The following PRDM16 variants were observed in gnomAD, a reference collection of about 807,000 sequenced individuals.
The protein encoded by PRDM16 is PR/SET domain 16.
PRDM16 carries 23 observed loss-of-function variants against 110.6 expected under a neutral mutation model. The observed-to-expected ratio is 0.21, with a 90% CI of 0.15 to 0.29. The LOEUF is 0.29. Ranked by LOEUF, PRDM16 falls within the 10% of genes least tolerant of loss-of-function variation. The pLI, the probability that PRDM16 is intolerant of heterozygous loss-of-function variation, is 1.00. For missense variants in PRDM16, 1,615 were observed against 1,794.3 expected, an observed-to-expected ratio of 0.90 and a Z score of 1.81; for synonymous variants, 799 against 781.8, an observed-to-expected ratio of 1.02 and a Z score of -0.37.
At chr1:3,291,186 C>T (rs1042007020) in intron 3 of PRDM16, among the ~76,000 whole-genome samples, 10 of 152,152 alleles carry the variant, frequency 6.6e-5, no homozygotes, top group Non-Finnish European at 1.5e-4. Context: ...CACACGGCCT[C>T]TCTCGGGGTG....
intron 4 of PRDM16, among the ~76,000 whole-genome samples, chr1:3,391,254 C>T (rs1274555259): frequency 6.6e-6 from 1 of 152,164 alleles, no homozygotes; most frequent in African/African-American, 2.4e-5. Context: ...GGGCAGGGGG[C>T]TCCTTCGGTA....
At position 3,359,184 on chromosome 1, in the gene PRDM16, CA is replaced by C. The variant is rs1352086908; in HGVS notation, c.439-25967del. 1.2e-4 allele frequency among the ~76,000 whole-genome samples: 19 copies of C among 152,288 alleles called. No homozygotes were observed. The highest frequency in any genetic ancestry group is 3.6e-4 in the African/African-American group (15 of 41,556). ...CCTCCCGAGTAGCTGGGACTACAGG[CA>C]GGTGCCACCGTGCCTAGTTAATATG... On this transcript the variant is annotated intron_variant, in intron 3 of 16. Transcript: ENST00000270722. This position sits in a 1 kb window ranked among gnomAD's most constrained non-coding sequence, Gnocchi z 4.3.
intron 3 of PRDM16, among the ~76,000 whole-genome samples, chr1:3,348,561 G>C (rs888829697): frequency 6.6e-6 from 1 of 152,232 alleles, no homozygotes; most frequent in African/African-American, 2.4e-5. Context: ...GGACATGCAC[G>C]CTTCTTAAAG....
At chr1:3,288,861 G>C (rs546654254) in intron 3 of PRDM16, among the ~76,000 whole-genome samples, 1 of 152,286 alleles carries the variant, frequency 6.6e-6, no homozygotes, top group Non-Finnish European at 1.5e-5. Flanking sequence ...TCTGGGGGAG[G>C]AAGTAGGGCC....
In PRDM16 at chr1:3,195,436, C is replaced by T. The variant is rs75167935; in HGVS notation, c.387+8962C>T. Among the ~76,000 whole-genome samples the T allele has an allele frequency of 0.011, 1,707 of 152,288 alleles. 93 individuals are homozygous for T. In the East Asian group the frequency reaches 0.16, roughly 14 times the overall value. ...TTTACTTCCTTAAGGGGTAATAACT[C>T]CGCTGCAGCCCAGCAGAGGGGACTT... On this transcript the variant is annotated intron_variant, in intron 2 of 16. Transcript: ENST00000270722.
intron 3 of PRDM16, among the ~76,000 whole-genome samples, chr1:3,367,531 G>A (rs528372913): frequency 3.9e-5 from 6 of 152,216 alleles, no homozygotes; most frequent in Non-Finnish European, 7.3e-5. Flanking sequence ...AATGGCTTTT[G>A]GGGAGTGGCT....
rs978357962 is a variant in PRDM16, at chr1:3,201,395, C to T, written c.387+14921C>T. 6.6e-6 allele frequency among the ~76,000 whole-genome samples: 1 copy of T among 152,160 alleles called. No homozygotes were observed. The highest frequency in any genetic ancestry group is 6.5e-5 in the Admixed American group (1 of 15,278). On this transcript the variant is annotated intron_variant, in intron 2 of 16. Coordinates refer to ENST00000270722, the MANE Select transcript of PRDM16 (RefSeq NM_022114.4). This position sits in a 1 kb window ranked among gnomAD's most constrained non-coding sequence, Gnocchi z 4.1. ...GGGTGTCCAGTCCCCAGAGAGGTGGCCTTCAAGTCCAGTAGCCCAAGCCAC... is the reference window on the plus strand; with the variant it reads ...GGGTGTCCAGTCCCCAGAGAGGTGGTCTTCAAGTCCAGTAGCCCAAGCCAC...
Position 3,069,742 on chromosome 1 carries a change from T to C in PRDM16, c.37+446T>C, listed in dbSNP as rs1557774306. 2.0e-5 allele frequency among the ~76,000 whole-genome samples: 3 copies of C among 152,004 alleles called. No individual in the cohort carries two copies. Among genetic ancestry groups the C allele is most frequent in the Non-Finnish European group, 1.5e-5 (1 of 67,978 alleles). On this transcript the variant is annotated intron_variant, in intron 1 of 16. Coordinates refer to ENST00000270722, the MANE Select transcript of PRDM16 (RefSeq NM_022114.4). This position sits in a 1 kb window ranked among gnomAD's most constrained non-coding sequence, Gnocchi z 6.1. ...TCTCTCTCCGAGTGGCTCTCAGTCCTGGTCAAATCATATTCCGGGCTTTTG... is the reference window on the plus strand; with the variant it reads ...TCTCTCTCCGAGTGGCTCTCAGTCCCGGTCAAATCATATTCCGGGCTTTTG...
chr1:3,275,980 C>A (rs751058042), intron 3 of PRDM16, among the ~76,000 whole-genome samples: 1 of 152,222 alleles, frequency 6.6e-6, no homozygotes, highest in Non-Finnish European at 1.5e-5. Flanking sequence ...CCAGCACACG[C>A]GTGCCTGCTG....
At chr1:3,391,270 TA>T (rs1251511861) in intron 4 of PRDM16, among the ~76,000 whole-genome samples, 7 of 152,304 alleles carry the variant, frequency 4.6e-5, no homozygotes, top group African/African-American at 1.4e-4. Context: ...CGGTATTTCA[TA>T]ACCAGCTTAC....
intron 1 of PRDM16, among the ~76,000 whole-genome samples, chr1:3,181,240 A>G (rs1243201219): frequency 4.9e-3 from 195 of 39,714 alleles, no homozygotes; most frequent in Middle Eastern, 0.016. Context: ...ACGGTCTTAC[A>G]CACAGTCTTA....
intron 3 of PRDM16, among the ~76,000 whole-genome samples, chr1:3,351,030 G>T (rs912252951): frequency 6.6e-6 from 1 of 152,240 alleles, no homozygotes; most frequent in African/African-American, 2.4e-5. Context: ...GCTGGTTGGC[G>T]GCCCTCTGGG....
rs74050157 is a variant in PRDM16, at chr1:3,183,825, G to A, written c.38-2300G>A. Among the ~76,000 whole-genome samples, 378 of 152,298 alleles carry A rather than the reference G, an allele frequency of 2.5e-3. 2 individuals are homozygous for A. Among genetic ancestry groups the A allele is most frequent in the African/African-American group, 8.7e-3 (361 of 41,552 alleles). On this transcript the variant is annotated intron_variant, in intron 1 of 16. Coordinates refer to ENST00000270722, the MANE Select transcript of PRDM16 (RefSeq NM_022114.4). ...CGCTGCCCCACTTCGGGCTCCAGCG[G>A]AACTCCCAGAAACACCTGGGGTTCT...
At chr1:3,093,642 G>T (rs148259977) in intron 1 of PRDM16, among the ~76,000 whole-genome samples, 37 of 152,292 alleles carry the variant, frequency 2.4e-4, no homozygotes, top group African/African-American at 8.4e-4. Context: ...GTTCTCGGAG[G>T]CTGCATGCTG....
chr1:3,267,217 C>G (rs1037962519), intron 3 of PRDM16, among the ~76,000 whole-genome samples: 2 of 152,218 alleles, frequency 1.3e-5, no homozygotes, highest in Non-Finnish European at 2.9e-5. Flanking sequence ...TCTGTCTTCT[C>G]TCTTTCTGCA....
intron 3 of PRDM16, among the ~76,000 whole-genome samples, chr1:3,361,990 G>A (rs555336391): frequency 4.6e-5 from 7 of 151,940 alleles, no homozygotes; most frequent in Non-Finnish European, 7.4e-5. Flanking sequence ...CAGGTGGTGA[G>A]AAGTGACCGT....
intron 10 of PRDM16, among the ~76,000 whole-genome samples, chr1:3,415,916 C>G (rs926866292): frequency 2.0e-5 from 3 of 152,264 alleles, no homozygotes; most frequent in African/African-American, 2.4e-5. Context: ...TGTGGAAAGA[C>G]CTCAGCCCTG....
At chr1:3,377,769 G>C (rs559318140) in intron 3 of PRDM16, among the ~76,000 whole-genome samples, 1 of 152,222 alleles carries the variant, frequency 6.6e-6, no homozygotes, top group Non-Finnish European at 1.5e-5. Context: ...GTGTGGAGAC[G>C]TGGGCTGGGC....
intron 3 of PRDM16, chr1:3,307,848 A>T (rs535135930): frequency 6.6e-6 from 1 of 152,170 alleles, no homozygotes; most frequent in Non-Finnish European, 1.5e-5. Flanking sequence ...GCTGGAGAAC[A>T]TACCAAGGCC....
Sources: gnomAD v4.1 joint callset for allele counts (sites outside exome capture counted in the v4.1 genomes callset) on GRCh38, gnomAD v4.1.1 for gene constraint, Gnocchi (gnomAD v3.1) non-coding constraint, MANE v1.5 for transcripts, NCBI Gene and HGNC (gene_info 2026-07-23, HGNC 2026-07-21) for gene names.